PSMD5: variants seen among roughly 807,000 people sequenced by gnomAD.
The protein encoded by PSMD5 is proteasome 26S subunit, non-ATPase 5.
Under a neutral mutation model 52.1 loss-of-function variants are expected in PSMD5, and 40 were observed. The observed-to-expected ratio is 0.77, with a 90% confidence interval of 0.60 to 1.00. The LOEUF (loss-of-function observed/expected upper bound fraction) is 1.00. PSMD5 is among the 50% of genes least tolerant of loss of function. The pLI is 0.00. For synonymous variants in PSMD5, 211 were observed against 226.6 expected (o/e 0.93, Z 0.62); for missense variants, 575 against 605.2 (o/e 0.95, Z 0.52).
At chr9:120,825,472 T>C (rs1252664716) in intron 6 of PSMD5, among the ~76,000 whole-genome samples, 1 of 152,174 alleles carries the variant, frequency 6.6e-6, no homozygotes, top group East Asian at 1.9e-4. Context: ...AATTTAAAAA[T>C]TTTGGAGGGA....
chr9:120,821,744 G>A (rs1248392580), intron 7 of PSMD5, among the ~76,000 whole-genome samples: 1 of 152,150 alleles, frequency 6.6e-6, no homozygotes, highest in African/African-American at 2.4e-5. Context: ...TCATCTAAGT[G>A]GAATCATACA....
Position 120,837,811 on chromosome 9 carries a change from G to A in PSMD5, c.174-4355C>T, listed in dbSNP as rs926053897. 2.9e-4 allele frequency among the ~76,000 whole-genome samples: 44 copies of A among 152,102 alleles called. 1 individual carries two copies. Among genetic ancestry groups the A allele is most frequent in the Admixed American group, 2.7e-3 (41 of 15,260 alleles). ...TAAAGACTTGTACATGAATGCTCAC[G>A]GCACTGTCATTTGTAATATCTCCAA... On this transcript the variant is annotated intron_variant, in intron 1 of 9. Coordinates refer to ENST00000210313, the MANE Select transcript of PSMD5 (RefSeq NM_005047.4).
In PSMD5 at chr9:120,826,060, T is replaced by C. The variant is rs368803544; in HGVS notation, c.814+705A>G. Among the ~76,000 whole-genome samples the C allele has an allele frequency of 5.4e-3, 821 of 150,860 alleles. 10 individuals carry two copies. Among genetic ancestry groups the C allele is most frequent in the African/African-American group, 0.019 (773 of 41,028 alleles). ...TCCAGGCTGGAGTGCAGTGGCGCGA[T>C]CCTGGCTCACTGCAATCTCCACCTC... On this transcript the variant is annotated intron_variant, in intron 6 of 9. Coordinates refer to ENST00000210313, the MANE Select transcript of PSMD5 (RefSeq NM_005047.4).
At chr9:120,827,631 T>C (rs2045131480) in intron 5 of PSMD5, among the ~76,000 whole-genome samples, 1 of 152,210 alleles carries the variant, frequency 6.6e-6, no homozygotes, top group African/African-American at 2.4e-5. Context: ...TCTCATTAGG[T>C]TGAGACACTC....
intron 1 of PSMD5, among the ~76,000 whole-genome samples, chr9:120,841,283 A>C (rs1242189869): frequency 6.6e-6 from 1 of 152,050 alleles, no homozygotes; most frequent in Non-Finnish European, 1.5e-5. Context: ...TTTTTCATTC[A>C]ACAACACAGA....
intron 7 of PSMD5, among the ~76,000 whole-genome samples, chr9:120,822,622 C>CA (rs1425479755): frequency 6.6e-6 from 1 of 151,996 alleles, no homozygotes; most frequent in Non-Finnish European, 1.5e-5. Flanking sequence ...AATCTCGACT[C>CA]ACGGCCCAGG....
At chr9:120,823,752 A>G (rs2045102570) in intron 7 of PSMD5, among the ~76,000 whole-genome samples, 1 of 151,508 alleles carries the variant, frequency 6.6e-6, no homozygotes, top group Non-Finnish European at 1.5e-5. Context: ...AGCTCAGGCA[A>G]CCCACCCACC....
In PSMD5 at chr9:120,826,775, G is replaced by A; in HGVS notation, c.804C>T (p.Phe268=). The A allele has an allele frequency of 6.2e-7, 1 of 1,613,618 alleles. No individual in the cohort carries two copies. Among genetic ancestry groups the A allele is most frequent in the South Asian group, 1.1e-5 (1 of 91,022 alleles). Reference sequence around the variant, plus strand: ...ATCAGTGTTCCTTACCTGGCAGATAGAAGCTAGAGAAAGGGTCTGAATCTG... The same window carrying A: ...ATCAGTGTTCCTTACCTGGCAGATAAAAGCTAGAGAAAGGGTCTGAATCTG... ...VGADSDPFSS[F]YLPGFVKFFG... is the part of the protein sequence containing the mutation. Residue 268 remains phenylalanine (F), a synonymous_variant, in exon 6 of 10, where the codon TTC becomes TTT. Transcript: ENST00000210313.
In PSMD5 at chr9:120,842,569, G is replaced by A. The variant is rs2045247608; in HGVS notation, c.173+168C>T. 4.8e-6 allele frequency: 4 copies of A among 825,162 alleles called. No homozygotes were observed. In the East Asian group the frequency reaches 1.1e-4, roughly 22 times the overall value. 51.1% of individuals were successfully genotyped at this position (825,162 alleles called of 1,614,324 possible). A position where few individuals can be genotyped will look rare whatever the true frequency, so the allele number is the denominator to read the frequency against. On this transcript the variant is annotated intron_variant, in intron 1 of 9. Transcript: ENST00000210313. ...TGGGGCACTCTCAGAGGCTGAACCT[G>A]AACCCCATCTCCTGCCTCTGAACCC...
chr9:120,840,499 G>A lies in PSMD5; in HGVS notation c.173+2238C>T, dbSNP rs1360378564. On this transcript the variant is annotated intron_variant, in intron 1 of 9. Coordinates refer to ENST00000210313, the MANE Select transcript of PSMD5 (RefSeq NM_005047.4). ...TCTCACTGTGTTGCCAGGCTGGAGT[G>A]CAGTGGTGCAATCTTGGCTCACTGC... 2.0e-5 allele frequency among the ~76,000 whole-genome samples: 3 copies of A among 151,940 alleles called. No homozygotes were observed. The East Asian group carries it at 5.8e-4, about 29-fold the overall frequency.
In PSMD5 at chr9:120,826,801, C is replaced by A. The variant is rs765229834; in HGVS notation, c.778G>T (p.Ala260Ser). ...AAGCTAGAGAAAGGGTCTGAATCTG[C>A]CCCAACAATTATATTAGAAATTTGG... is the stretch of plus-strand genomic sequence containing the variant. Reference protein sequence around the residue: ...IDQISNIIVGADSDPFSSFYL... With the variant: ...IDQISNIIVGSDSDPFSSFYL... Residue 260 changes from alanine to serine, a missense_variant, in exon 6 of 10, where the codon GCA becomes TCA. Coordinates refer to ENST00000210313, the MANE Select transcript of PSMD5 (RefSeq NM_005047.4). 6.2e-7 allele frequency: 1 copy of A among 1,613,818 alleles called. No individual in the cohort carries two copies. Among genetic ancestry groups the A allele is most frequent in the Non-Finnish European group, 8.5e-7 (1 of 1,179,748 alleles).
intron 6 of PSMD5, among the ~76,000 whole-genome samples, chr9:120,825,546 T>A (rs1475380610): frequency 6.6e-6 from 1 of 152,206 alleles, no homozygotes; most frequent in Non-Finnish European, 1.5e-5. Flanking sequence ...ATCCTTCCAA[T>A]CCATGAACAT....
rs2045208609 is a variant in PSMD5, at chr9:120,837,821, T to C, written c.174-4365A>G. ...TACATGAATGCTCACGGCACTGTCA[T>C]TTGTAATATCTCCAAACAGAAAACA... is the stretch of plus-strand genomic sequence containing the variant. On this transcript the variant is annotated intron_variant, in intron 1 of 9. Coordinates refer to ENST00000210313, the MANE Select transcript of PSMD5 (RefSeq NM_005047.4). Among the ~76,000 whole-genome samples, 3 of 152,206 alleles carry C rather than the reference T, an allele frequency of 2.0e-5. No individual in the cohort carries two copies. The South Asian group carries it at 6.2e-4, about 32-fold the overall frequency.
In PSMD5 at chr9:120,820,897, C is replaced by T. The variant is rs772441010; in HGVS notation, c.1199G>A (p.Arg400His). The change falls in exon 9 of 10, where the codon CGT becomes CAT. Residue 400 changes from arginine (R) to histidine (H), a missense_variant. Transcript: ENST00000210313. ...AGGGAAGGGCTGACTACTAATGCCA[C>T]GGAAGAGCTCCAGTGGATCCCGAGA... The part of the protein sequence containing the change: ...SLSRDPLELF[R>H]GISSQPFPEL... The T allele has an allele frequency of 1.1e-5, 18 of 1,608,502 alleles. No individual in the cohort carries two copies. The highest frequency in any genetic ancestry group is 3.5e-5 in the Admixed American group (2 of 57,742).
chr9:120,840,431 T>C (rs2045226753), intron 1 of PSMD5, among the ~76,000 whole-genome samples: 1 of 149,940 alleles, frequency 6.7e-6, no homozygotes, highest in Non-Finnish European at 1.5e-5. Flanking sequence ...ACAAAGTGTT[T>C]TTATTATTAT....
intron 1 of PSMD5, among the ~76,000 whole-genome samples, chr9:120,833,965 C>T (rs1321963352): frequency 1.6e-4 from 23 of 148,036 alleles, no homozygotes; most frequent in Admixed American, 1.2e-3. Context: ...CTTGGGCCAC[C>T]GCACCTGGCC....
In PSMD5 at chr9:120,817,208, G is replaced by A. The variant is rs2045048902; in HGVS notation, c.*698C>T. 1 of 151,838 alleles carries A rather than the reference G, an allele frequency of 6.6e-6. No homozygotes were observed. The highest frequency in any genetic ancestry group is 1.5e-5 in the Non-Finnish European group (1 of 67,968). The allele number at this position is 151,838 out of a possible 1,614,324, so 9.4% of individuals were successfully genotyped here. ...GAAAGTGGAATCAGAAATGGAAAAA[G>A]GACCAAAAAGAAAAAAAAAGATAGT... On this transcript the variant is annotated 3_prime_UTR_variant, in exon 10 of 10. Transcript: ENST00000210313.
chr9:120,829,305 T>A, intron 4 of PSMD5, 97 bp from the exon 5 acceptor site: 2 of 1,283,442 alleles, frequency 1.6e-6, no homozygotes, highest in East Asian at 5.7e-5. Flanking sequence ...CTAGGTACTT[T>A]TTATAAATGA....
In PSMD5 at chr9:120,817,867, T is replaced by C; in HGVS notation, c.*39A>G. 1 of 1,563,538 alleles carries C rather than the reference T, an allele frequency of 6.4e-7. No individual in the cohort carries two copies. Among genetic ancestry groups the C allele is most frequent in the East Asian group, 2.3e-5 (1 of 44,216 alleles). On this transcript the variant is annotated 3_prime_UTR_variant, in exon 10 of 10. Coordinates refer to ENST00000210313, the MANE Select transcript of PSMD5 (RefSeq NM_005047.4). Reference sequence around the variant, plus strand: ...GAGTCAAATGCCTTAGGAGAAGTTTTGGTCAAAACGTGGTCCTCTACATGA... The same window carrying C: ...GAGTCAAATGCCTTAGGAGAAGTTTCGGTCAAAACGTGGTCCTCTACATGA...
Sources: allele counts gnomAD v4.1 joint callset (sites outside exome capture counted in the v4.1 genomes callset), GRCh38; gene constraint gnomAD v4.1.1; transcripts MANE v1.5; gene names NCBI Gene and HGNC (gene_info 2026-07-23, HGNC 2026-07-21).